The following EN1 variants were observed in gnomAD, a reference collection of about 807,000 sequenced individuals.
EN1 encodes homeobox protein engrailed-1.
Under a neutral mutation model 22.9 loss-of-function variants are expected in EN1, and 8 were observed. That is an observed-to-expected ratio of 0.35 (90% CI 0.20 to 0.63). The LOEUF is 0.63. EN1 is among the 20% of genes least tolerant of loss of function. EN1 has a pLI of 0.73. For synonymous variants in EN1, 287 were observed against 262.5 expected (o/e 1.09, Z -0.90); for missense variants, 521 against 572.1 (o/e 0.91, Z 0.91).
At chr2:118,844,336 C>T (rs2104610291) in intron 1 of EN1, 1 of 151,904 alleles carries the variant, frequency 6.6e-6, no homozygotes, top group East Asian at 1.9e-4. Context: ...GCTTTGACCA[C>T]CAGATAGGAA....
chr2:118,843,533 C>A (rs1678224847), intron 1 of EN1, among the ~76,000 whole-genome samples: 1 of 152,120 alleles, frequency 6.6e-6, no homozygotes, highest in Non-Finnish European at 1.5e-5. Context: ...GTAGGTGCAC[C>A]CCACACCCCA....
At position 118,842,756 on chromosome 2, in the gene EN1, C is replaced by G; in HGVS notation, c.*182G>C. ...ATAGCACCTGTCCGAGTCTTTCTCC[C>G]TTTTCAAAAATGCTGCGTTTCAACG... On this transcript the variant is annotated 3_prime_UTR_variant, in exon 2 of 2. Coordinates refer to ENST00000295206, the MANE Select transcript of EN1 (RefSeq NM_001426.4). The G allele has an allele frequency of 9.0e-7, 1 of 1,113,986 alleles. No individual in the cohort carries two copies. The allele number at this position is 1,113,986 out of a possible 1,614,324, so 69.0% of individuals were successfully genotyped here.
rs779805579 is a variant in EN1 at position 118,846,910 on chromosome 2, G to C, written c.258C>G (p.Leu86=). The change falls in exon 1 of 2, where the codon CTC becomes CTG. Residue 86 remains leucine (L), a synonymous_variant. Transcript: ENST00000295206. The surrounding 1 kb of genome is among the most constrained non-coding windows in gnomAD (Gnocchi z 5.0). ...GCTGCGGCTGGTGAGCAGGCGCCGCGAGATGCTGAGGCGGCGGGGGCGGGG... is the reference window on the plus strand; with the variant it reads ...GCTGCGGCTGGTGAGCAGGCGCCGCCAGATGCTGAGGCGGCGGGGGCGGGG... ...PHPPPPPPQH[L]AAPAHQPQPA... The C allele has an allele frequency of 1.3e-6, 2 of 1,489,916 alleles. No homozygotes were observed. Among genetic ancestry groups the C allele is most frequent in the South Asian group, 1.2e-5 (1 of 86,574 alleles). The allele number at this position is 1,489,916 out of a possible 1,614,324, so 92.3% of individuals were successfully genotyped here. A position where few individuals can be genotyped will look rare whatever the true frequency, so the allele number is the denominator to read the frequency against.
rs1187793950 is a variant in EN1 at position 118,842,967 on chromosome 2, T to C, written c.1150A>G (p.Thr384Ala). The change falls in exon 2 of 2, where the codon ACG becomes GCG. Residue 384 changes from threonine to alanine, a missense_variant. Thr to Ala is a moderately conservative substitution (Grantham distance 58, BLOSUM62 0). Around this residue, in one of 3 missense-constraint regions of EN1, gnomAD observed 35 missense variants for 40.2 expected, o/e 0.87. Transcript: ENST00000295206. ...TCGCTCTCGTCTTTGTCCTGGACCG[T>C]GGTGGTGGAGTGGTTGTACAGTCCC... ...AQGLYNHSTT[T>A]VQDKDESE 16 of 1,613,426 alleles carry C rather than the reference T, an allele frequency of 9.9e-6. No individual in the cohort carries two copies. The highest frequency in any genetic ancestry group is 1.3e-5 in the Non-Finnish European group (15 of 1,179,648).
chr2:118,843,702 G>A (rs1430858741), intron 1 of EN1, among the ~76,000 whole-genome samples: 2 of 152,134 alleles, frequency 1.3e-5, no homozygotes, highest in Non-Finnish European at 1.5e-5. Context: ...GATAGGACTG[G>A]GGCAGTGAGG....
At position 118,842,646 on chromosome 2, in the gene EN1, C is replaced by G. The variant is rs1238655681; in HGVS notation, c.*292G>C. On this transcript the variant is annotated 3_prime_UTR_variant, in exon 2 of 2. Coordinates refer to ENST00000295206, the MANE Select transcript of EN1 (RefSeq NM_001426.4). The stretch of plus-strand genomic sequence containing the variant: ...ACCTGAAATTAAATATATACAAGGT[C>G]GTAAGCGGTTTGGCTAGATAGAGCT... The G allele has an allele frequency of 6.0e-6, 2 of 332,294 alleles. No homozygotes were observed. The highest frequency in any genetic ancestry group is 1.1e-5 in the Non-Finnish European group (2 of 183,472). The allele number at this position is 332,294 out of a possible 1,614,324, so 20.6% of individuals were successfully genotyped here.
rs1678265229 is a variant in EN1 at position 118,846,205 on chromosome 2, G to A, written c.862+101C>T. 1 of 1,500,920 alleles carries A rather than the reference G, an allele frequency of 6.7e-7. No individual in the cohort carries two copies. Among genetic ancestry groups the A allele is most frequent in the Non-Finnish European group, 8.9e-7 (1 of 1,122,138 alleles). The allele number at this position is 1,500,920 out of a possible 1,614,324, so 93.0% of individuals were successfully genotyped here. A position where few individuals can be genotyped will look rare whatever the true frequency, so the allele number is the denominator to read the frequency against. On this transcript the variant is annotated intron_variant, in intron 1 of 1. Transcript: ENST00000295206. The surrounding 1 kb of genome is among the most constrained non-coding windows in gnomAD (Gnocchi z 5.0). Reference sequence around the variant, plus strand: ...GAGGAAGCAGGCGTGAGAGACTGGAGTACCCGAGGCCGGGTTTGCTCTCCC... The same window carrying A: ...GAGGAAGCAGGCGTGAGAGACTGGAATACCCGAGGCCGGGTTTGCTCTCCC...
intron 1 of EN1, among the ~76,000 whole-genome samples, chr2:118,845,194 C>G (rs1678249183): frequency 6.6e-6 from 1 of 152,240 alleles, no homozygotes. Flanking sequence ...TAGTGCGCAT[C>G]GATCCGCGCC....
rs1678291024 is a variant in EN1, at chr2:118,847,099, A to AGTC, written c.66_68dup (p.Thr23dup). 2 of 1,403,284 alleles carry AGTC rather than the reference A, an allele frequency of 1.4e-6. No homozygotes were observed. Among genetic ancestry groups the AGTC allele is most frequent in the African/African-American group, 1.5e-5 (1 of 66,066 alleles). 86.9% of individuals were successfully genotyped at this position (1,403,284 alleles called of 1,614,324 possible). ...TGAGGCTCAGGCTGAGGCCGCCCGG[A>AGTC]GTCGCCGCCGCCGCCGCGCCGAGGG... On this transcript the variant is annotated inframe_insertion, in exon 1 of 2. Transcript: ENST00000295206.
Position 118,842,950 on chromosome 2 carries a change from G to A in EN1, c.1167C>T (p.Asp389=), listed in dbSNP as rs766252884. 23 of 1,602,170 alleles carry A rather than the reference G, an allele frequency of 1.4e-5. No individual in the cohort carries two copies. Among genetic ancestry groups the A allele is most frequent in the Non-Finnish European group, 1.9e-5 (22 of 1,170,334 alleles). ...NHSTTTVQDK[D]ESE is the part of the protein sequence containing the mutation. The stretch of plus-strand genomic sequence containing the variant: ...CGGCCTGTGGCGGCTACTCGCTCTC[G>A]TCTTTGTCCTGGACCGTGGTGGTGG... The change falls in exon 2 of 2, where the codon GAC becomes GAT. Residue 389 remains aspartate (D), a synonymous_variant. Transcript: ENST00000295206.
Position 118,846,244 on chromosome 2 carries a change from T to G in EN1, c.862+62A>C. 4 of 1,567,170 alleles carry G rather than the reference T, an allele frequency of 2.6e-6. No homozygotes were observed. In the East Asian group the frequency reaches 7.3e-5, roughly 28 times the overall value. On this transcript the variant is annotated intron_variant, in intron 1 of 1. Coordinates refer to ENST00000295206, the MANE Select transcript of EN1 (RefSeq NM_001426.4). This position sits in a 1 kb window ranked among gnomAD's most constrained non-coding sequence, Gnocchi z 5.0. ...GTTTGCTCTCCCTAGCGCCGCAGCT[T>G]GGCGTTCTGGGGCGGTCCGCGGGGC...
In EN1 at chr2:118,842,786, T is replaced by C. The variant is rs557546742; in HGVS notation, c.*152A>G. The stretch of plus-strand genomic sequence containing the variant: ...CAAAAATGCTGCGTTTCAACGTCAT[T>C]GTCCATTCTGAGGCTCTCTTTCTGT... On this transcript the variant is annotated 3_prime_UTR_variant, in exon 2 of 2. Coordinates refer to ENST00000295206, the MANE Select transcript of EN1 (RefSeq NM_001426.4). 1.5e-5 allele frequency: 20 copies of C among 1,297,084 alleles called. No individual in the cohort carries two copies. In the South Asian group the frequency reaches 2.1e-4, roughly 14 times the overall value. The allele number at this position is 1,297,084 out of a possible 1,614,324, so 80.3% of individuals were successfully genotyped here.
Position 118,846,326 on chromosome 2 carries a change from T to TA in EN1, c.841dup (p.Tyr281LeufsTer194). The TA allele has an allele frequency of 6.2e-7, 1 of 1,612,688 alleles. No individual in the cohort carries two copies. Among genetic ancestry groups the TA allele is most frequent in the Non-Finnish European group, 8.5e-7 (1 of 1,179,600 alleles). ...CTCACCGGAGGATGGACGATCCGAA[T>TA]AACGTGTGCAGTACACCCAGGCGGG... On this transcript the variant is annotated frameshift_variant, in exon 1 of 2. Transcript: ENST00000295206. LOFTEE classifies it high-confidence loss of function. This position sits in a 1 kb window ranked among gnomAD's most constrained non-coding sequence, Gnocchi z 5.0.
Position 118,842,912 on chromosome 2 carries a change from G to A in EN1, c.*26C>T. On this transcript the variant is annotated 3_prime_UTR_variant, in exon 2 of 2. Coordinates refer to ENST00000295206, the MANE Select transcript of EN1 (RefSeq NM_001426.4). ...GACGGCGGCGGTGCCGGGAGGGGGCGCGGGCGCGGCCCCGGCCTGTGGCGG... is the reference window on the plus strand; with the variant it reads ...GACGGCGGCGGTGCCGGGAGGGGGCACGGGCGCGGCCCCGGCCTGTGGCGG... 1 of 1,583,838 alleles carries A rather than the reference G, an allele frequency of 6.3e-7. No homozygotes were observed. Among genetic ancestry groups the A allele is most frequent in the Non-Finnish European group, 8.6e-7 (1 of 1,160,816 alleles).
Position 118,842,781 on chromosome 2 carries a change from G to A in EN1, c.*157C>T. 1 of 1,274,322 alleles carries A rather than the reference G, an allele frequency of 7.8e-7. No individual in the cohort carries two copies. Among genetic ancestry groups the A allele is most frequent in the Middle Eastern group, 2.8e-4 (1 of 3,570 alleles). The allele number at this position is 1,274,322 out of a possible 1,614,324, so 78.9% of individuals were successfully genotyped here. On this transcript the variant is annotated 3_prime_UTR_variant, in exon 2 of 2. Transcript: ENST00000295206. ...CTTTTCAAAAATGCTGCGTTTCAAC[G>A]TCATTGTCCATTCTGAGGCTCTCTT...
Position 118,847,386 on chromosome 2 carries a change from A to C in EN1, c.-219T>G. ...AGATCTCGCTGTCTCTCCCTCTCTA[A>C]TTTGTAGACATCCAGATATGGAGAC... On this transcript the variant is annotated 5_prime_UTR_variant, in exon 1 of 2. Coordinates refer to ENST00000295206, the MANE Select transcript of EN1 (RefSeq NM_001426.4). 2.9e-6 allele frequency: 1 copy of C among 350,214 alleles called. No homozygotes were observed. The highest frequency in any genetic ancestry group is 4.3e-5 in the East Asian group (1 of 22,992). 21.7% of individuals were successfully genotyped at this position (350,214 alleles called of 1,614,324 possible).
At chr2:118,845,210 G>T (rs1678250073) in intron 1 of EN1, among the ~76,000 whole-genome samples, 1 of 152,240 alleles carries the variant, frequency 6.6e-6, no homozygotes, top group Non-Finnish European at 1.5e-5. Context: ...GCGCCCGGCC[G>T]GCAGCTGTGG....
At position 118,846,433 on chromosome 2, in the gene EN1, G is replaced by A; in HGVS notation, c.735C>T (p.His245=). 6.2e-7 allele frequency: 1 copy of A among 1,612,780 alleles called. No homozygotes were observed. Among genetic ancestry groups the A allele is most frequent in the Non-Finnish European group, 8.5e-7 (1 of 1,179,716 alleles). ...CCATAAGTAGGATAGCCGGGTTGCCGTGCTCCGGGTATTTGGTGCCCTGCG... is the reference window on the plus strand; with the variant it reads ...CCATAAGTAGGATAGCCGGGTTGCCATGCTCCGGGTATTTGGTGCCCTGCG... ...PGAQGTKYPE[H]GNPAILLMGS... The change falls in exon 1 of 2, where the codon CAC becomes CAT. Residue 245 remains histidine, a synonymous_variant. Transcript: ENST00000295206. This position sits in a 1 kb window ranked among gnomAD's most constrained non-coding sequence, Gnocchi z 5.0.
Position 118,843,024 on chromosome 2 carries a change from T to G in EN1, c.1093A>C (p.Lys365Gln). ...RAKIKKATGI[K>Q]NGLALHLMAQ... ...ATGAGGTGCAGCGCCAGGCCGTTCT[T>G]GATGCCTGTGGCTTTCTTGATCTTG... The change falls in exon 2 of 2, where the codon AAG becomes CAG. Residue 365 changes from lysine (K) to glutamine (Q), a missense_variant. By Grantham distance (53) the Lys-to-Gln change is moderately conservative (BLOSUM62 1). Transcript: ENST00000295206. The G allele has an allele frequency of 6.2e-7, 1 of 1,614,148 alleles. No homozygotes were observed. The highest frequency in any genetic ancestry group is 1.3e-5 in the African/African-American group (1 of 75,040).
Sources: gnomAD v4.1 joint callset for allele counts (sites outside exome capture counted in the v4.1 genomes callset) on GRCh38, gnomAD v4.1.1 for gene constraint, gnomAD v4.1.1 regional missense constraint, Gnocchi (gnomAD v3.1) non-coding constraint, MANE v1.5 for transcripts, NCBI Gene and HGNC (gene_info 2026-07-23, HGNC 2026-07-21) for gene names.